Variants in CNTNAP5 observed in about 807,000 individuals in gnomAD.
CNTNAP5 encodes contactin-associated protein-like 5.
CNTNAP5 carries 72 observed loss-of-function variants against 150.2 expected under a neutral mutation model. The observed-to-expected ratio is 0.48, with a 90% CI of 0.40 to 0.58. CNTNAP5 has a LOEUF of 0.58. CNTNAP5 is among the 20% of genes least tolerant of loss of function. CNTNAP5 has a pLI of 0.00. For synonymous variants in CNTNAP5, 672 were observed against 619.8 expected, an observed-to-expected ratio of 1.08 and a Z score of -1.25; for missense variants, 1,636 against 1,626.2, an observed-to-expected ratio of 1.01 and a Z score of -0.10.
intron 13 of CNTNAP5, among the ~76,000 whole-genome samples, chr2:124,735,498 A>G (rs1680363995): frequency 6.6e-6 from 1 of 152,184 alleles, no homozygotes; most frequent in African/African-American, 2.4e-5. Context: ...ACAGTTGGAA[A>G]GACAATATAT....
Position 124,917,502 on chromosome 2 carries a change from C to T in CNTNAP5, c.*3214C>T, listed in dbSNP as rs1306754148. ...CATATTTTTATGACTAACTTTGCCT[C>T]TTCTATTTACCCTCTGCTGTATGCA... is the stretch of plus-strand genomic sequence containing the variant. On this transcript the variant is annotated 3_prime_UTR_variant, in exon 24 of 24. Transcript: ENST00000682447. Among the ~76,000 whole-genome samples, 6 of 151,954 alleles carry T rather than the reference C, an allele frequency of 3.9e-5. No homozygotes were observed. The highest frequency in any genetic ancestry group is 1.9e-4 in the East Asian group (1 of 5,164).
intron 3 of CNTNAP5, among the ~76,000 whole-genome samples, chr2:124,399,328 A>T (rs1691346613): frequency 1.3e-5 from 2 of 152,178 alleles, no homozygotes; most frequent in African/African-American, 4.8e-5. Flanking sequence ...ATAGAGTGCT[A>T]GTTTAAGATC....
chr2:124,874,731 T>C (rs1677819236), intron 21 of CNTNAP5, among the ~76,000 whole-genome samples: 2 of 152,010 alleles, frequency 1.3e-5, no homozygotes, highest in East Asian at 3.9e-4. Context: ...AAAGTTTAGG[T>C]GGAAAAGAAT....
chr2:124,314,971 C>T (rs1386965315), intron 3 of CNTNAP5, among the ~76,000 whole-genome samples: 1 of 148,660 alleles, frequency 6.7e-6, no homozygotes, highest in African/African-American at 2.5e-5. Context: ...ATAATGCATA[C>T]ATCAAACAAA....
chr2:124,028,417 A>G (rs1166362045), intron 1 of CNTNAP5, among the ~76,000 whole-genome samples: 1 of 152,110 alleles, frequency 6.6e-6, no homozygotes, highest in African/African-American at 2.4e-5. Context: ...TATAGATTTT[A>G]TAAGTTTCTA....
chr2:124,079,504 C>T (rs1264472804), intron 1 of CNTNAP5, among the ~76,000 whole-genome samples: 1 of 132,524 alleles, frequency 7.5e-6, no homozygotes, highest in African/African-American at 2.8e-5. Flanking sequence ...CTATCTGAAC[C>T]CCTGATTTTT....
At chr2:124,161,538 T>C (rs1684678214) in intron 1 of CNTNAP5, among the ~76,000 whole-genome samples, 1 of 152,334 alleles carries the variant, frequency 6.6e-6, no homozygotes, top group East Asian at 1.9e-4. Flanking sequence ...TAATGATTTA[T>C]TGATAGGAGG....
chr2:124,717,890 A>T (rs985951161), intron 13 of CNTNAP5, among the ~76,000 whole-genome samples: 1 of 152,194 alleles, frequency 6.6e-6, no homozygotes, highest in African/African-American at 2.4e-5. Flanking sequence ...AAAGGAGTCA[A>T]TAAAGATGAA....
chr2:124,316,666 G>A (rs950423985), intron 3 of CNTNAP5, among the ~76,000 whole-genome samples: 1 of 151,690 alleles, frequency 6.6e-6, no homozygotes, highest in Non-Finnish European at 1.5e-5. Flanking sequence ...TTAGCCGGGA[G>A]TGGTGGCAGG....
At chr2:124,160,891 A>G (rs1684660173) in intron 1 of CNTNAP5, among the ~76,000 whole-genome samples, 1 of 152,120 alleles carries the variant, frequency 6.6e-6, no homozygotes, top group Admixed American at 6.6e-5. Flanking sequence ...ATATTTATTT[A>G]TTTCATTTTA....
chr2:124,721,514 T>TAAATAAATAAATAAATAAATAAATAAATA (rs778612928), intron 13 of CNTNAP5, among the ~76,000 whole-genome samples: 3 of 148,644 alleles, frequency 2.0e-5, no homozygotes, highest in African/African-American at 7.6e-5. Context: ...AATAAATACA[T>TAAATAAATAAATAAATAAATAAATAAATA]AAATAAATAT....
At chr2:124,407,907 G>T (rs149183274) in intron 3 of CNTNAP5, among the ~76,000 whole-genome samples, 3,388 of 152,102 alleles carry the variant, frequency 0.022, 110 homozygotes, top group African/African-American at 0.076. Flanking sequence ...GAACAGCTCC[G>T]GTCTACAGCT....
chr2:124,356,966 C>A (rs562811974), intron 3 of CNTNAP5, among the ~76,000 whole-genome samples: 1 of 152,080 alleles, frequency 6.6e-6, no homozygotes, highest in Non-Finnish European at 1.5e-5. Context: ...TCTCCAGCAC[C>A]TGTTGTTTCC....
chr2:124,578,330 CAAA>C (rs556025524), intron 11 of CNTNAP5, among the ~76,000 whole-genome samples: 5 of 56,410 alleles, frequency 8.9e-5, no homozygotes, highest in Admixed American at 2.1e-4. Flanking sequence ...GACTTTGTCT[CAAA>C]AAAAAAAAAA....
intron 18 of CNTNAP5, among the ~76,000 whole-genome samples, chr2:124,795,540 CAG>C (rs1681826789): frequency 1.3e-5 from 2 of 152,138 alleles, no homozygotes; most frequent in South Asian, 4.2e-4. Flanking sequence ...TTTTGTTTGA[CAG>C]AGTCTCACTC....
At chr2:124,754,823 G>A (rs1009913118) in intron 14 of CNTNAP5, among the ~76,000 whole-genome samples, 5 of 151,938 alleles carry the variant, frequency 3.3e-5, no homozygotes, top group Admixed American at 6.6e-5. Context: ...AAAGTTATGG[G>A]ATTACAGGCG....
intron 3 of CNTNAP5, among the ~76,000 whole-genome samples, chr2:124,333,702 A>C (rs1350380728): frequency 6.6e-6 from 1 of 152,102 alleles, no homozygotes; most frequent in Admixed American, 6.6e-5. Context: ...TTTGTTTCTT[A>C]ACTGGATTTT....
intron 3 of CNTNAP5, among the ~76,000 whole-genome samples, chr2:124,350,294 G>C (rs1689846148): frequency 6.6e-6 from 1 of 152,116 alleles, no homozygotes; most frequent in Non-Finnish European, 1.5e-5. Context: ...TAGAAAGAGA[G>C]ACTCTTCTAA....
chr2:124,580,659 G>A (rs1696389316), intron 11 of CNTNAP5, among the ~76,000 whole-genome samples: 1 of 152,122 alleles, frequency 6.6e-6, no homozygotes, highest in Non-Finnish European at 1.5e-5. Flanking sequence ...GTTACGTTTG[G>A]TCATGATGCC....
Sources: allele counts gnomAD v4.1 joint callset (sites outside exome capture counted in the v4.1 genomes callset), GRCh38; gene constraint gnomAD v4.1.1; transcripts MANE v1.5; gene names NCBI Gene and HGNC (gene_info 2026-07-23, HGNC 2026-07-21).